SNTB1: variants seen among roughly 807,000 people sequenced by gnomAD.
The protein encoded by SNTB1 is beta-1-syntrophin.
Under a neutral mutation model 48.9 loss-of-function variants are expected in SNTB1, and 36 were observed. That is an observed-to-expected ratio of 0.74 (90% CI 0.56 to 0.97). The LOEUF (loss-of-function observed/expected upper bound fraction) is 0.97. SNTB1 is among the 50% of genes least tolerant of loss of function. The probability of loss-of-function intolerance (pLI) is 0.00; values close to 1 mark genes in which losing one functional copy is unlikely to be tolerated. For missense variants in SNTB1, 786 were observed against 703.4 expected (o/e 1.12, Z -1.33); for synonymous variants, 299 against 294.6 (o/e 1.01, Z -0.15).
intron 1 of SNTB1, among the ~76,000 whole-genome samples, chr8:120,804,491 C>T (rs1359301819): frequency 6.6e-6 from 1 of 152,102 alleles, no homozygotes; most frequent in Non-Finnish European, 1.5e-5. Context: ...ACAGTGTCTT[C>T]AGTTTGTGTA....
intron 4 of SNTB1, among the ~76,000 whole-genome samples, chr8:120,559,676 CA>C (rs962086489): frequency 2.0e-5 from 3 of 152,228 alleles, no homozygotes; most frequent in Admixed American, 1.3e-4. Flanking sequence ...AAAAAATCCC[CA>C]AAAACCTGTC....
chr8:120,731,162 T>C (rs1191359965), intron 1 of SNTB1, among the ~76,000 whole-genome samples: 1 of 151,852 alleles, frequency 6.6e-6, no homozygotes, highest in Non-Finnish European at 1.5e-5. Context: ...TAATAAATAA[T>C]AGCTAAGAAG....
Position 120,635,268 on chromosome 8 carries a change from AGTAAAGCTG to A in SNTB1, c.789-2626_789-2618del, listed in dbSNP as rs1289261522. 2.0e-5 allele frequency among the ~76,000 whole-genome samples: 3 copies of A among 152,226 alleles called. No homozygotes were observed. In the East Asian group the frequency reaches 5.8e-4, roughly 29 times the overall value. On this transcript the variant is annotated intron_variant, in intron 2 of 6. Coordinates refer to ENST00000517992, the MANE Select transcript of SNTB1 (RefSeq NM_021021.4). ...TTCTCTCCCTAAGTTCTCACTCTTC[AGTAAAGCTG>A]CAGAGCAGAATACAAACTAGCATTC...
At chr8:120,559,061 C>G (rs1185058281) in intron 4 of SNTB1, among the ~76,000 whole-genome samples, 2 of 152,170 alleles carry the variant, frequency 1.3e-5, no homozygotes, top group East Asian at 1.9e-4. Flanking sequence ...CACTCTCAGC[C>G]CTTCAACCAA....
In SNTB1 at chr8:120,811,409, C is replaced by T. The variant is rs1180517693; in HGVS notation, c.435G>A (p.Gly145=). The stretch of plus-strand genomic sequence containing the variant: ...GGGCTTGGGTCTGGTCCGCCGCCAG[C>T]CCCTTGAAGATCTTGCTGATGAGGA... ...MPILISKIFK[G]LAADQTQALY... Residue 145 remains glycine, a synonymous_variant, in exon 1 of 7, where the codon GGG becomes GGA. Coordinates refer to ENST00000517992, the MANE Select transcript of SNTB1 (RefSeq NM_021021.4). 1 of 1,614,020 alleles carries T rather than the reference C, an allele frequency of 6.2e-7. No individual in the cohort carries two copies.
intron 3 of SNTB1, among the ~76,000 whole-genome samples, chr8:120,580,598 G>A (rs957115763): frequency 7.9e-5 from 12 of 152,144 alleles, no homozygotes; most frequent in African/African-American, 2.9e-4. Flanking sequence ...AAGGAAGAAG[G>A]GCCATCATGG....
At chr8:120,788,555 C>A (rs191731396) in intron 1 of SNTB1, among the ~76,000 whole-genome samples, 207 of 152,034 alleles carry the variant, frequency 1.4e-3, no homozygotes, top group Middle Eastern at 6.8e-3. Flanking sequence ...ATATTTCATG[C>A]AAATGGAAAC....
At chr8:120,690,619 T>C (rs148490312) in intron 2 of SNTB1, among the ~76,000 whole-genome samples, 1 of 152,274 alleles carries the variant, frequency 6.6e-6, no homozygotes, top group African/African-American at 2.4e-5. Flanking sequence ...AATCAATGCT[T>C]TCTGTTGTTA....
intron 1 of SNTB1, among the ~76,000 whole-genome samples, chr8:120,772,120 C>T (rs542918194): frequency 1.8e-4 from 28 of 151,782 alleles, no homozygotes; most frequent in Non-Finnish European, 3.1e-4. Context: ...CCACCTGCCT[C>T]GGGTTCCCAA....
At chr8:120,725,824 C>T (rs1818746373) in intron 1 of SNTB1, among the ~76,000 whole-genome samples, 1 of 152,182 alleles carries the variant, frequency 6.6e-6, no homozygotes, top group Non-Finnish European at 1.5e-5. Context: ...CTTCATCTCC[C>T]CAGACAGGAG....
chr8:120,618,334 T>C (rs1816747072), intron 3 of SNTB1, among the ~76,000 whole-genome samples: 2 of 152,246 alleles, frequency 1.3e-5, no homozygotes, highest in African/African-American at 4.8e-5. Context: ...TAAACAATTA[T>C]CTAAAATTAA....
At chr8:120,772,816 G>A (rs1229421058) in intron 1 of SNTB1, among the ~76,000 whole-genome samples, 1 of 152,114 alleles carries the variant, frequency 6.6e-6, no homozygotes, top group East Asian at 1.9e-4. Context: ...CAAGGCTGGA[G>A]GGGCCCTTGG....
intron 3 of SNTB1, among the ~76,000 whole-genome samples, chr8:120,625,798 G>A (rs1232934397): frequency 1.3e-5 from 2 of 152,158 alleles, no homozygotes; most frequent in African/African-American, 4.8e-5. Flanking sequence ...TCTTGATTTA[G>A]GGATGATGCA....
chr8:120,663,682 G>C (rs542873054), intron 2 of SNTB1, among the ~76,000 whole-genome samples: 237 of 152,182 alleles, frequency 1.6e-3, no homozygotes, highest in African/African-American at 5.6e-3. Context: ...AGGAGGCAGC[G>C]TGAGGACCCA....
At chr8:120,565,160 A>G (rs1030998287) in intron 4 of SNTB1, among the ~76,000 whole-genome samples, 2 of 152,164 alleles carry the variant, frequency 1.3e-5, no homozygotes, top group East Asian at 3.9e-4. Flanking sequence ...ATGACCTGTG[A>G]ATTTTAGTTG....
intron 1 of SNTB1, among the ~76,000 whole-genome samples, chr8:120,711,365 C>T (rs368697984): frequency 6.6e-6 from 1 of 151,884 alleles, no homozygotes; most frequent in East Asian, 1.9e-4. Flanking sequence ...TTGTGTTGCC[C>T]TAAGGTAAAG....
chr8:120,554,255 G>T (rs896717896), intron 4 of SNTB1, among the ~76,000 whole-genome samples: 2 of 152,162 alleles, frequency 1.3e-5, no homozygotes, highest in African/African-American at 4.8e-5. Flanking sequence ...GTGTGAATGT[G>T]GGTGTGAGCG....
chr8:120,566,833 A>G (rs1331885662), intron 4 of SNTB1, among the ~76,000 whole-genome samples: 2 of 152,016 alleles, frequency 1.3e-5, no homozygotes, highest in Non-Finnish European at 2.9e-5. Flanking sequence ...TCTATCCACA[A>G]CTCTGTCCTC....
At chr8:120,731,178 G>C (rs1191851571) in intron 1 of SNTB1, among the ~76,000 whole-genome samples, 1 of 151,988 alleles carries the variant, frequency 6.6e-6, no homozygotes, top group Non-Finnish European at 1.5e-5. Flanking sequence ...AGAAGAAAAA[G>C]TACAAGTATT....
Sources: gnomAD v4.1 joint callset for allele counts (sites outside exome capture counted in the v4.1 genomes callset) on GRCh38, gnomAD v4.1.1 for gene constraint, MANE v1.5 for transcripts, NCBI Gene and HGNC (gene_info 2026-07-23, HGNC 2026-07-21) for gene names.